Variants in B4GALNT3 observed in about 807,000 individuals in gnomAD.
B4GALNT3 encodes beta-1,4-N-acetyl-galactosaminyltransferase 3.
Under a neutral mutation model 120.2 loss-of-function variants are expected in B4GALNT3, and 86 were observed. That is an observed-to-expected ratio of 0.72 (90% CI 0.60 to 0.86). The LOEUF is 0.86. Ranked by LOEUF, B4GALNT3 falls within the 40% of genes least tolerant of loss-of-function variation. B4GALNT3 has a pLI of 0.00. For synonymous variants in B4GALNT3, 518 were observed against 510.4 expected, an observed-to-expected ratio of 1.01 and a Z score of -0.20; for missense variants, 1,167 against 1,298.9, an observed-to-expected ratio of 0.90 and a Z score of 1.56.
chr12:491,095 A>G (rs1223652257), intron 1 of B4GALNT3, among the ~76,000 whole-genome samples: 1 of 152,226 alleles, frequency 6.6e-6, no homozygotes, highest in East Asian at 1.9e-4. Context: ...TTACAGATTA[A>G]TATCTCTTAT....
intron 1 of B4GALNT3, among the ~76,000 whole-genome samples, chr12:487,748 CAAG>C (rs1042839878): frequency 4.6e-5 from 7 of 150,576 alleles, no homozygotes; most frequent in Non-Finnish European, 1.0e-4. Context: ...AGAAGAAGAC[CAAG>C]AAGAACAGCC....
intron 1 of B4GALNT3, among the ~76,000 whole-genome samples, chr12:498,040 T>C (rs1946404555): frequency 1.3e-5 from 2 of 151,880 alleles, no homozygotes; most frequent in Non-Finnish European, 2.9e-5. Flanking sequence ...GACTAAACAA[T>C]AAACAAACCT....
rs1416459914 is a variant in B4GALNT3, at chr12:550,258, G to A, written c.997+346G>A. ...CATTCCAACTCTTGTCATCCAAGGA[G>A]AGAAATACGTGGACACCACAGTGTT... On this transcript the variant is annotated intron_variant, in intron 10 of 19. Transcript: ENST00000266383. The surrounding 1 kb of genome is among the most constrained non-coding windows in gnomAD (Gnocchi z 4.1). 2.0e-5 allele frequency among the ~76,000 whole-genome samples: 3 copies of A among 152,172 alleles called. No homozygotes were observed. The highest frequency in any genetic ancestry group is 6.5e-5 in the Admixed American group (1 of 15,274).
intron 1 of B4GALNT3, among the ~76,000 whole-genome samples, chr12:506,910 A>C: frequency 6.6e-6 from 1 of 152,258 alleles, no homozygotes; most frequent in East Asian, 1.9e-4. Flanking sequence ...TGCTGGGATT[A>C]CAGGCGTGAG....
chr12:554,755 A>C (rs1166940561), intron 14 of B4GALNT3, among the ~76,000 whole-genome samples: 1 of 122,166 alleles, frequency 8.2e-6, no homozygotes, highest in Non-Finnish European at 1.6e-5. Context: ...GCGCCACTGC[A>C]CTCCAGCCTG....
chr12:484,543 G>C (rs1946272335), intron 1 of B4GALNT3, among the ~76,000 whole-genome samples: 1 of 152,192 alleles, frequency 6.6e-6, no homozygotes, highest in South Asian at 2.1e-4. Context: ...TTTGAGAGGA[G>C]GAGTAGCCCA....
At chr12:551,225 A>G (rs966078040) in intron 11 of B4GALNT3, among the ~76,000 whole-genome samples, 194 bp downstream of exon 11, 1 of 152,262 alleles carries the variant, frequency 6.6e-6, no homozygotes, top group East Asian at 1.9e-4. Flanking sequence ...ACTGTCCAGC[A>G]GAGCCTGCAC....
rs745475326 is a variant in B4GALNT3 at position 544,323 on chromosome 12, C to A, written c.352-16C>A. The A allele has an allele frequency of 6.8e-6, 11 of 1,611,962 alleles. No homozygotes were observed. The highest frequency in any genetic ancestry group is 3.3e-5 in the Admixed American group (2 of 59,990). ...GGTGCTCACGCTCACTCACCACTGG[C>A]GTCTCCGCCCTGCAGTTCCGGGGCC... On this transcript the variant is annotated splice_polypyrimidine_tract_variant and intron_variant, in intron 3 of 19. Transcript: ENST00000266383.
chr12:544,639 G>A (rs1946968761), intron 4 of B4GALNT3, among the ~76,000 whole-genome samples: 1 of 151,960 alleles, frequency 6.6e-6, no homozygotes, highest in African/African-American at 2.4e-5. Flanking sequence ...TCAGTTTCAG[G>A]CTCTCTGGCT....
chr12:556,151 T>C (rs1947154125), intron 14 of B4GALNT3, among the ~76,000 whole-genome samples: 2 of 152,210 alleles, frequency 1.3e-5, no homozygotes, highest in South Asian at 2.1e-4. Flanking sequence ...TTGATTTTTA[T>C]TTCTCTAGTG....
At chr12:478,274 TAGAG>T (rs1256644130) in intron 1 of B4GALNT3, among the ~76,000 whole-genome samples, 4 of 43,510 alleles carry the variant, frequency 9.2e-5, no homozygotes, top group Admixed American at 6.3e-4. Context: ...AAAAAAAAAT[TAGAG>T]GAGGTAAAAA....
chr12:505,699 T>G (rs1946490764), intron 1 of B4GALNT3, among the ~76,000 whole-genome samples: 1 of 152,210 alleles, frequency 6.6e-6, no homozygotes, highest in African/African-American at 2.4e-5. Context: ...GAGAGTGTCC[T>G]GAAGACCCTT....
intron 1 of B4GALNT3, among the ~76,000 whole-genome samples, chr12:503,827 A>G (rs1410885705): frequency 2.0e-5 from 3 of 152,134 alleles, no homozygotes; most frequent in Non-Finnish European, 4.4e-5. Context: ...TTAAAAGTGT[A>G]AAAGTGGCCG....
chr12:472,717 G>T lies in B4GALNT3; in HGVS notation c.169+12172G>T, dbSNP rs138982569. ...CTCGCAAAGTGCTGGGATTACAGGC[G>T]TGAGCCACCGCGCCCGACCTATGCC... On this transcript the variant is annotated intron_variant, in intron 1 of 19. Transcript: ENST00000266383. Among the ~76,000 whole-genome samples the T allele has an allele frequency of 6.7e-3, 1,016 of 152,250 alleles. 12 individuals carry two copies. Among genetic ancestry groups the T allele is most frequent in the African/African-American group, 0.023 (973 of 41,532 alleles).
At chr12:502,451 G>T (rs1443861110) in intron 1 of B4GALNT3, among the ~76,000 whole-genome samples, 1 of 152,170 alleles carries the variant, frequency 6.6e-6, no homozygotes, top group Non-Finnish European at 1.5e-5. Context: ...TTCCAGTGTT[G>T]CATTGGTTCC....
rs561031595 is a variant in B4GALNT3, at chr12:548,976, C to T, written c.853+679C>T. ...CCCTATTTTCCAGATGAGGTAACCACGGTTCTTGCAAAGCCATGGCCAGGG... is the reference window on the plus strand; with the variant it reads ...CCCTATTTTCCAGATGAGGTAACCATGGTTCTTGCAAAGCCATGGCCAGGG... On this transcript the variant is annotated intron_variant, in intron 9 of 19. Coordinates refer to ENST00000266383, the MANE Select transcript of B4GALNT3 (RefSeq NM_173593.4). The surrounding 1 kb of genome is among the most constrained non-coding windows in gnomAD (Gnocchi z 4.9). Among the ~76,000 whole-genome samples the T allele has an allele frequency of 3.9e-5, 6 of 152,318 alleles. No individual in the cohort carries two copies. Among genetic ancestry groups the T allele is most frequent in the African/African-American group, 7.2e-5 (3 of 41,572 alleles).
chr12:461,087 G>C (rs1946018373), intron 1 of B4GALNT3, among the ~76,000 whole-genome samples: 1 of 152,100 alleles, frequency 6.6e-6, no homozygotes, highest in Admixed American at 6.5e-5. Context: ...ATACCTCGGA[G>C]AGTCCCGTCT....
chr12:557,916 C>T (rs1361104247), intron 16 of B4GALNT3, 100 bp from the exon 17 acceptor site: 3 of 1,485,576 alleles, frequency 2.0e-6, no homozygotes, highest in Non-Finnish European at 2.8e-6. Context: ...ATAATCCCAT[C>T]CCAGGAGCAC....
intron 1 of B4GALNT3, among the ~76,000 whole-genome samples, chr12:498,440 G>A (rs566861175): frequency 2.2e-4 from 33 of 152,236 alleles, no homozygotes; most frequent in South Asian, 4.1e-4. Flanking sequence ...CTGGACCACG[G>A]TTAATTTAAA....
Sources: gnomAD v4.1 joint callset for allele counts (sites outside exome capture counted in the v4.1 genomes callset) on GRCh38, gnomAD v4.1.1 for gene constraint, Gnocchi (gnomAD v3.1) non-coding constraint, MANE v1.5 for transcripts, NCBI Gene and HGNC (gene_info 2026-07-23, HGNC 2026-07-21) for gene names.